The following FRYL variants were observed in gnomAD, a reference collection of about 807,000 sequenced individuals.
The protein encoded by FRYL is protein furry homolog-like.
In FRYL, 150 loss-of-function variants were observed where a neutral mutation model predicts 351.2. The ratio of observed to expected loss-of-function variants is 0.43; its 90% CI spans 0.37 to 0.49. FRYL has a LOEUF of 0.49. Ranked by LOEUF, FRYL falls within the 20% of genes least tolerant of loss-of-function variation. The pLI, the probability that FRYL is intolerant of heterozygous loss-of-function variation, is 0.00. For synonymous variants in FRYL, 1,153 were observed against 1,257.1 expected, an observed-to-expected ratio of 0.92 and a Z score of 1.75; for missense variants, 3,036 against 3,619.3, an observed-to-expected ratio of 0.84 and a Z score of 4.13.
At chr4:48,605,688 G>T in intron 11 of FRYL, 53 bp downstream of exon 11, 1 of 1,141,924 alleles carries the variant, frequency 8.8e-7, no homozygotes, top group Non-Finnish European at 1.3e-6. Context: ...GTATAAGGTT[G>T]ATAAGGTTCT....
intron 42 of FRYL, 56 bp downstream of exon 42, chr4:48,546,011 A>G (rs747998080): frequency 3.4e-6 from 5 of 1,484,530 alleles, no homozygotes; most frequent in Non-Finnish European, 4.6e-6. Flanking sequence ...TACCTGATCA[A>G]TGAAAGAATG....
chr4:48,540,321 G>T lies in FRYL; in HGVS notation c.6295+32C>A, dbSNP rs184246602. 57 of 1,582,606 alleles carry T rather than the reference G, an allele frequency of 3.6e-5. No homozygotes were observed. In the East Asian group the frequency reaches 1.2e-3, roughly 34 times the overall value. On this transcript the variant is annotated intron_variant, in intron 46 of 63. Transcript: ENST00000358350. ...TAGTTTACATTTTACTGCATAAAAT[G>T]CAAAGTGCTGGTGCAATTATATTAA...
chr4:48,733,073 C>T (rs1300284301), intron 1 of FRYL, among the ~76,000 whole-genome samples: 1 of 151,588 alleles, frequency 6.6e-6, no homozygotes, highest in Non-Finnish European at 1.5e-5. Context: ...ATCAGGAGTT[C>T]GAGACCACCT....
Position 48,547,754 on chromosome 4 carries a change from T to A in FRYL, c.4904A>T (p.His1635Leu), listed in dbSNP as rs1731668819. ...HAIFIGFDHC[H>L]PEVYEHCKRL... ...TTTACAATGTTCATACACCTCAGGG[T>A]GGCAGTGGTCAAACCCTAAAAAGGA... Residue 1635 changes from histidine to leucine, a missense_variant, in exon 41 of 64, where the codon CAC (histidine) becomes CTC (leucine). This residue lies in a region of FRYL where 1,987 missense variants were observed against 2,311.7 expected (regional missense o/e 0.86). Transcript: ENST00000358350. 6 of 1,519,540 alleles carry A rather than the reference T, an allele frequency of 3.9e-6. No homozygotes were observed. The highest frequency in any genetic ancestry group is 1.3e-5 in the South Asian group (1 of 74,720). 94.1% of individuals were successfully genotyped at this position (1,519,540 alleles called of 1,614,324 possible). A position where few individuals can be genotyped will look rare whatever the true frequency, so the allele number is the denominator to read the frequency against.
At chr4:48,511,015 T>C (rs1366616449) in intron 57 of FRYL, 31 bp from the exon 58 acceptor site, 1 of 1,566,292 alleles carries the variant, frequency 6.4e-7, no homozygotes. Flanking sequence ...AAGAGTTTAG[T>C]GTTTCATAAG....
At chr4:48,651,213 CGTGTGT>C (rs10604700) in intron 3 of FRYL, among the ~76,000 whole-genome samples, 5,305 of 104,896 alleles carry the variant, frequency 0.051, 307 homozygotes, top group Non-Finnish European at 0.056. Flanking sequence ...CCACATGCAC[CGTGTGT>C]GTGTGTGTGT....
At chr4:48,546,445 T>A in intron 41 of FRYL, 174 bp from the exon 42 acceptor site, 1 of 605,772 alleles carries the variant, frequency 1.7e-6, no homozygotes, top group Non-Finnish European at 2.9e-6. Flanking sequence ...TTACAGCAAG[T>A]AAGTTTTGGG....
rs979048766 is a variant in FRYL, at chr4:48,515,042, G to T, written c.7923C>A (p.Phe2641Leu). Residue 2641 changes from phenylalanine (F) to leucine (L), a missense_variant, in exon 56 of 64, where the codon TTC (phenylalanine) becomes TTA (leucine). By Grantham distance (22) the Phe-to-Leu change is conservative. Around this residue, in one of 7 missense-constraint regions of FRYL, gnomAD observed 1,987 missense variants for 2,311.7 expected, o/e 0.86. Coordinates refer to ENST00000358350, the MANE Select transcript of FRYL (RefSeq NM_015030.2). ...TGTATTCTCACCTAGACAGTCCGGA[G>T]AAATCCGCTTCTTCTTCTTCACATC... The part of the protein sequence containing the change: ...DERCEEEEAD[F>L]SGLSSQDEEE... 6.2e-7 allele frequency: 1 copy of T among 1,613,508 alleles called. No homozygotes were observed. Among genetic ancestry groups the T allele is most frequent in the Non-Finnish European group, 8.5e-7 (1 of 1,179,712 alleles).
chr4:48,581,081 T>G, intron 21 of FRYL, 130 bp from the exon 22 acceptor site: 1 of 587,802 alleles, frequency 1.7e-6, no homozygotes, highest in East Asian at 3.0e-5. Flanking sequence ...AGTCTCGCTC[T>G]GTCACCCAGG....
intron 1 of FRYL, among the ~76,000 whole-genome samples, chr4:48,750,681 C>T (rs939920059): frequency 3.3e-5 from 5 of 151,936 alleles, no homozygotes; most frequent in South Asian, 2.1e-4. Flanking sequence ...AGAAGAGTTA[C>T]GGATAATTGC....
chr4:48,529,786 C>G (rs1727123071), intron 50 of FRYL, among the ~76,000 whole-genome samples: 1 of 152,106 alleles, frequency 6.6e-6, no homozygotes, highest in African/African-American at 2.4e-5. Flanking sequence ...CACCAAGGCA[C>G]CAAGAGTGGG....
intron 1 of FRYL, among the ~76,000 whole-genome samples, chr4:48,724,894 A>C (rs185750692): frequency 6.6e-6 from 1 of 152,328 alleles, no homozygotes; most frequent in Admixed American, 6.5e-5. Context: ...GTTGAGATGG[A>C]ACCTAATGTC....
At chr4:48,544,401 C>G (rs937120997) in intron 43 of FRYL, among the ~76,000 whole-genome samples, 6 of 152,170 alleles carry the variant, frequency 3.9e-5, no homozygotes, top group African/African-American at 1.2e-4. Context: ...AACCACTGCT[C>G]TAGACATATA....
chr4:48,601,725 T>C (rs926379339), intron 13 of FRYL, among the ~76,000 whole-genome samples: 1 of 152,150 alleles, frequency 6.6e-6, no homozygotes, highest in Admixed American at 6.5e-5. Flanking sequence ...TACTCTATAA[T>C]TCTAAAAGAA....
Position 48,499,627 on chromosome 4 carries a change from G to C in FRYL, c.8837C>G (p.Thr2946Arg). Reference sequence around the variant, plus strand: ...ATGATGGAAATATATATGTAACAGTGTCTGTACAGGGTCATCTTCACAACT... The same window carrying C: ...ATGATGGAAATATATATGTAACAGTCTCTGTACAGGGTCATCTTCACAACT... The part of the protein sequence containing the change: ...FGSCEDDPVQ[T>R]LLHIYFHHQT... The change falls in exon 64 of 64, where the codon ACA becomes AGA. Residue 2946 changes from threonine to arginine, a missense_variant. Physicochemically the swap from Thr to Arg is moderately conservative, Grantham distance 71. This residue lies in a region of FRYL where 1,987 missense variants were observed against 2,311.7 expected (regional missense o/e 0.86). Coordinates refer to ENST00000358350, the MANE Select transcript of FRYL (RefSeq NM_015030.2). 10 of 1,613,696 alleles carry C rather than the reference G, an allele frequency of 6.2e-6. No homozygotes were observed. The highest frequency in any genetic ancestry group is 8.5e-6 in the Non-Finnish European group (10 of 1,179,574).
At chr4:48,505,348 C>G in intron 60 of FRYL, 199 bp downstream of exon 60, 151 of 597,810 alleles carry the variant, frequency 2.5e-4, no homozygotes, top group East Asian at 2.9e-4. Context: ...GCTGGTCGTT[C>G]ATTTTTATTA....
Position 48,704,096 on chromosome 4 carries a change from T to A in FRYL, c.-204+6423A>T, listed in dbSNP as rs546429324. Reference sequence around the variant, plus strand: ...CTTATCCAAAAGAATAAATGTAACATTAATGAAAAAGAATGAGGAAAAAAT... The same window carrying A: ...CTTATCCAAAAGAATAAATGTAACAATAATGAAAAAGAATGAGGAAAAAAT... On this transcript the variant is annotated intron_variant, in intron 2 of 63. Coordinates refer to ENST00000358350, the MANE Select transcript of FRYL (RefSeq NM_015030.2). Among the ~76,000 whole-genome samples, 3 of 151,966 alleles carry A rather than the reference T, an allele frequency of 2.0e-5. No individual in the cohort carries two copies. The East Asian group carries it at 5.8e-4, about 29-fold the overall frequency.
chr4:48,623,021 T>C (rs1324339770), intron 5 of FRYL, 105 bp downstream of exon 5: 1 of 686,584 alleles, frequency 1.5e-6, no homozygotes, highest in African/African-American at 1.9e-5. Context: ...CATACAAGGA[T>C]ATATAGAAAT....
intron 27 of FRYL, 23 bp downstream of exon 27, chr4:48,570,804 A>T (rs1380054273): frequency 6.5e-7 from 1 of 1,531,400 alleles, no homozygotes; most frequent in Admixed American, 1.7e-5. Context: ...CCAGAGTTTT[A>T]ACAATGTGAA....
Sources: gnomAD v4.1 joint callset for allele counts (sites outside exome capture counted in the v4.1 genomes callset) on GRCh38, gnomAD v4.1.1 for gene constraint, gnomAD v4.1.1 regional missense constraint, MANE v1.5 for transcripts, NCBI Gene and HGNC (gene_info 2026-07-23, HGNC 2026-07-21) for gene names.